The following NOL4 variants were observed in gnomAD, a reference collection of about 807,000 sequenced individuals.
NOL4 encodes nucleolar protein 4.
In NOL4, 17 loss-of-function variants were observed where a neutral mutation model predicts 75.9. That is an observed-to-expected ratio of 0.22 (90% CI 0.15 to 0.34). The LOEUF (loss-of-function observed/expected upper bound fraction) is 0.34. Among genes scored for constraint, NOL4 ranks in the 10% least tolerant of loss-of-function variants. The pLI is 1.00. For synonymous variants in NOL4, 292 were observed against 289.9 expected, an observed-to-expected ratio of 1.01 and a Z score of -0.07; for missense variants, 614 against 793.5, an observed-to-expected ratio of 0.77 and a Z score of 2.72.
chr18:34,061,981 G>A (rs2077081303), intron 5 of NOL4, among the ~76,000 whole-genome samples: 1 of 151,938 alleles, frequency 6.6e-6, no homozygotes, highest in South Asian at 2.1e-4. Flanking sequence ...TATTCAGAAT[G>A]ACATATACTG....
intron 6 of NOL4, among the ~76,000 whole-genome samples, chr18:33,981,738 T>C (rs998250803): frequency 1.3e-5 from 2 of 152,250 alleles, no homozygotes; most frequent in East Asian, 3.9e-4. Context: ...GGACTTATTT[T>C]TTCAAAGAGC....
At chr18:34,108,153 G>A (rs989584459) in intron 2 of NOL4, among the ~76,000 whole-genome samples, 3 of 152,088 alleles carry the variant, frequency 2.0e-5, no homozygotes, top group Non-Finnish European at 2.9e-5. Context: ...TTTGTTATAA[G>A]TTATTTTATG....
chr18:34,161,011 A>C (rs1483818029), intron 1 of NOL4, among the ~76,000 whole-genome samples: 1 of 152,120 alleles, frequency 6.6e-6, no homozygotes, highest in African/African-American at 2.4e-5. Context: ...CCACTCTTCT[A>C]TTCTCTACTT....
intron 10 of NOL4, among the ~76,000 whole-genome samples, chr18:33,881,958 G>A (rs1243535269): frequency 6.6e-6 from 1 of 152,054 alleles, no homozygotes; most frequent in Admixed American, 6.6e-5. Context: ...ATGGGGAAAG[G>A]ATTCCCTATT....
At chr18:34,085,449 C>G (rs747704369) in intron 5 of NOL4, among the ~76,000 whole-genome samples, 3 of 152,144 alleles carry the variant, frequency 2.0e-5, no homozygotes, top group Non-Finnish European at 4.4e-5. Flanking sequence ...ATTAATCTGA[C>G]GTCCTTCACT....
intron 9 of NOL4, among the ~76,000 whole-genome samples, chr18:33,892,954 C>T (rs2065185564): frequency 6.6e-6 from 1 of 152,090 alleles, no homozygotes; most frequent in Admixed American, 6.6e-5. Flanking sequence ...TGAGCCACTG[C>T]ACCCATCCAG....
chr18:34,195,874 C>A (rs930126866), intron 1 of NOL4, among the ~76,000 whole-genome samples: 10 of 152,214 alleles, frequency 6.6e-5, no homozygotes, highest in African/African-American at 2.4e-4. Context: ...ATAGATGGAA[C>A]AATCTTTTAT....
At chr18:34,117,906 C>T (rs907480407) in intron 2 of NOL4, among the ~76,000 whole-genome samples, 1 of 152,088 alleles carries the variant, frequency 6.6e-6, no homozygotes, top group Non-Finnish European at 1.5e-5. Context: ...GTAACAATCA[C>T]TTTATAAAGC....
At chr18:34,007,205 C>A (rs536623660) in intron 6 of NOL4, among the ~76,000 whole-genome samples, 2 of 151,950 alleles carry the variant, frequency 1.3e-5, no homozygotes, top group South Asian at 2.1e-4. Context: ...TTGCTCCAGG[C>A]TACCACAAAG....
At chr18:34,064,004 C>T (rs186672156) in intron 5 of NOL4, among the ~76,000 whole-genome samples, 1 of 152,120 alleles carries the variant, frequency 6.6e-6, no homozygotes, top group Admixed American at 6.6e-5. Flanking sequence ...CCTTGCCACA[C>T]ACTGACTGGT....
At chr18:34,041,448 G>A (rs2076135461) in intron 5 of NOL4, among the ~76,000 whole-genome samples, 1 of 151,778 alleles carries the variant, frequency 6.6e-6, no homozygotes, top group Admixed American at 6.6e-5. Flanking sequence ...AGGTGTTAAG[G>A]GAAGCACATG....
intron 6 of NOL4, among the ~76,000 whole-genome samples, chr18:34,014,930 A>G (rs2074595786): frequency 6.6e-6 from 1 of 152,032 alleles, no homozygotes; most frequent in Admixed American, 6.6e-5. Context: ...GTTTGATTTT[A>G]TTCACAATAA....
At chr18:34,082,388 C>T (rs1267999401) in intron 5 of NOL4, among the ~76,000 whole-genome samples, 2 of 152,062 alleles carry the variant, frequency 1.3e-5, no homozygotes, top group African/African-American at 2.4e-5. Flanking sequence ...AAAGTGTCCA[C>T]CTCAAATGGC....
intron 6 of NOL4, among the ~76,000 whole-genome samples, chr18:33,962,016 G>T (rs1600069461): frequency 6.6e-6 from 1 of 152,198 alleles, no homozygotes; most frequent in East Asian, 1.9e-4. Context: ...GCTCTACCAG[G>T]TAAAATTGCC....
intron 1 of NOL4, among the ~76,000 whole-genome samples, chr18:34,152,356 T>C (rs527685185): frequency 1.8e-4 from 27 of 152,014 alleles, no homozygotes; most frequent in Admixed American, 1.5e-3. Context: ...AATGAACTAC[T>C]TGTAAATAGA....
At chr18:33,895,840 C>T (rs909706390) in intron 9 of NOL4, among the ~76,000 whole-genome samples, 2 of 151,954 alleles carry the variant, frequency 1.3e-5, no homozygotes, top group African/African-American at 4.8e-5. Context: ...AAAGCACATC[C>T]GATTATGAAG....
chr18:33,884,343 A>G (rs2064503077), intron 9 of NOL4, among the ~76,000 whole-genome samples: 1 of 151,898 alleles, frequency 6.6e-6, no homozygotes, highest in Non-Finnish European at 1.5e-5. Context: ...ATTCCATTAC[A>G]TGCGTTATAA....
rs118077573 is a variant in NOL4 at position 33,926,231 on chromosome 18, G to A, written c.1542+16834C>T. 3.2e-3 allele frequency among the ~76,000 whole-genome samples: 478 copies of A among 151,744 alleles called. 1 individual carries two copies. The highest frequency in any genetic ancestry group is 5.7e-3 in the Non-Finnish European group (389 of 67,904). ...AAAAATTAGCTGGGTGCGGTGACAC[G>A]CACCTGTAGTCCCAGCTACTTGGGA... On this transcript the variant is annotated intron_variant, in intron 9 of 10. Transcript: ENST00000261592.
chr18:33,932,858 C>T (rs868008539), intron 9 of NOL4, among the ~76,000 whole-genome samples: 52 of 152,034 alleles, frequency 3.4e-4, no homozygotes, highest in African/African-American at 1.2e-3. Flanking sequence ...AAAAGAAAGG[C>T]TTGCAAAACA....
Sources: allele counts gnomAD v4.1 joint callset (sites outside exome capture counted in the v4.1 genomes callset), GRCh38; gene constraint gnomAD v4.1.1; transcripts MANE v1.5; gene names NCBI Gene and HGNC (gene_info 2026-07-23, HGNC 2026-07-21).